The following WDR47 variants were observed in gnomAD, a reference collection of about 807,000 sequenced individuals.
WDR47 encodes WD repeat-containing protein 47.
Under a neutral mutation model 97.2 loss-of-function variants are expected in WDR47, and 32 were observed. The ratio of observed to expected loss-of-function variants is 0.33; its 90% CI spans 0.25 to 0.44. The LOEUF is 0.44. Ranked by LOEUF, WDR47 falls within the 20% of genes least tolerant of loss-of-function variation. The probability of loss-of-function intolerance (pLI) is 1.00; values close to 1 mark genes in which losing one functional copy is unlikely to be tolerated. For synonymous variants in WDR47, 375 were observed against 373.5 expected (o/e 1.00, Z -0.05); for missense variants, 782 against 1,102.3 (o/e 0.71, Z 4.11).
In WDR47 at chr1:109,010,989, C is replaced by T. The variant is rs775582082; in HGVS notation, c.1057G>A (p.Val353Ile). Residue 353 changes from valine (V) to isoleucine (I), a missense_variant, in exon 5 of 15, where the codon GTA becomes ATA. This residue lies in a region of WDR47 where 428 missense variants were observed against 584.3 expected (regional missense o/e 0.73). Coordinates refer to ENST00000369962, the MANE Select transcript of WDR47 (RefSeq NM_001142551.2). ...ATGAGACTTCTACTGAGGTTTTGTA[C>T]CCCTGGATAATGGAAGTTAGCAAAG... Reference protein sequence around the residue: ...HSFANFHYPGVQNLSRSLMLE... With the variant: ...HSFANFHYPGIQNLSRSLMLE... The T allele has an allele frequency of 1.1e-5, 17 of 1,614,064 alleles. No homozygotes were observed. In the South Asian group the frequency reaches 1.3e-4, roughly 13 times the overall value.
intron 5 of WDR47, among the ~76,000 whole-genome samples, chr1:109,009,593 T>G (rs1488121948): frequency 6.6e-6 from 1 of 152,222 alleles, no homozygotes; most frequent in Non-Finnish European, 1.5e-5. Flanking sequence ...ATATTTATGA[T>G]TAATCATTGA....
At chr1:109,037,364 C>A (rs1022330616) in intron 1 of WDR47, among the ~76,000 whole-genome samples, 2 of 139,482 alleles carry the variant, frequency 1.4e-5, no homozygotes, top group African/African-American at 5.4e-5. Flanking sequence ...CAAGACTGGG[C>A]GTGGTGGCTC....
At chr1:108,984,707 G>A (rs1428341568) in intron 10 of WDR47, among the ~76,000 whole-genome samples, 4 of 152,026 alleles carry the variant, frequency 2.6e-5, no homozygotes, top group East Asian at 1.9e-4. Flanking sequence ...GTGAAACCCC[G>A]TCGCTACTAA....
At chr1:109,040,588 A>G (rs554722405) in intron 1 of WDR47, among the ~76,000 whole-genome samples, 1 of 152,240 alleles carries the variant, frequency 6.6e-6, no homozygotes, top group Admixed American at 6.5e-5. Context: ...TTTTTTACCT[A>G]ACAATATACT....
intron 9 of WDR47, 159 bp from the exon 10 acceptor site, chr1:108,986,839 C>G: frequency 1.6e-6 from 1 of 626,262 alleles, no homozygotes; most frequent in Non-Finnish European, 2.6e-6. Context: ...GTTTTTCTTA[C>G]TTTATTAAAT....
At chr1:108,991,035 G>A (rs572377062) in intron 9 of WDR47, among the ~76,000 whole-genome samples, 14 of 148,846 alleles carry the variant, frequency 9.4e-5, no homozygotes, top group Admixed American at 3.4e-4. Context: ...GTCTCACTCT[G>A]TTGCCCAGGT....
intron 1 of WDR47, among the ~76,000 whole-genome samples, chr1:109,035,642 C>T (rs765096704): frequency 1.6e-4 from 24 of 151,536 alleles, no homozygotes; most frequent in Admixed American, 9.2e-4. Flanking sequence ...GGATTACAGG[C>T]GCCCACCACC....
chr1:108,971,179 G>C lies in WDR47; in HGVS notation c.*251C>G. ...CTTGGAGTGCACACCAACAACTGAA[G>C]AGCTCTTCTGCAGACTTTGGCAACG... On this transcript the variant is annotated 3_prime_UTR_variant, in exon 15 of 15. Transcript: ENST00000369962. The C allele has an allele frequency of 2.4e-6, 1 of 421,872 alleles. No individual in the cohort carries two copies. Among genetic ancestry groups the C allele is most frequent in the Non-Finnish European group, 4.2e-6 (1 of 235,438 alleles). 26.1% of individuals were successfully genotyped at this position (421,872 alleles called of 1,614,324 possible). A position where few individuals can be genotyped will look rare whatever the true frequency, so the allele number is the denominator to read the frequency against.
intron 9 of WDR47, among the ~76,000 whole-genome samples, chr1:108,988,995 T>C (rs1316620890): frequency 1.3e-5 from 2 of 152,130 alleles, no homozygotes; most frequent in African/African-American, 4.8e-5. Context: ...TGAGCTCAAG[T>C]GATCTGCCAC....
chr1:108,981,596 G>T, intron 13 of WDR47, 137 bp downstream of exon 13: 3 of 843,192 alleles, frequency 3.6e-6, no homozygotes, highest in African/African-American at 1.8e-5. Context: ...TATTGTGAAA[G>T]AACTGAAAGT....
At chr1:109,005,788 G>A (rs527386565) in intron 5 of WDR47, among the ~76,000 whole-genome samples, 2 of 152,106 alleles carry the variant, frequency 1.3e-5, no homozygotes, top group South Asian at 4.1e-4. Context: ...AGAATCGCTT[G>A]AACCAGGGAG....
In WDR47 at chr1:108,974,941, A is replaced by G. The variant is rs556306658; in HGVS notation, c.2399-187T>C. On this transcript the variant is annotated intron_variant, in intron 13 of 14. Coordinates refer to ENST00000369962, the MANE Select transcript of WDR47 (RefSeq NM_001142551.2). ...TGTGTCCTTTTAAGGCCCAAGGCCT[A>G]AACAAAATTTTGTAAGAAATGAGAA... 2.6e-5 allele frequency among the ~76,000 whole-genome samples: 4 copies of G among 152,344 alleles called. No homozygotes were observed. In the South Asian group the frequency reaches 8.3e-4, roughly 32 times the overall value.
At chr1:109,005,567 G>A in intron 5 of WDR47, among the ~76,000 whole-genome samples, 1 of 152,124 alleles carries the variant, frequency 6.6e-6, no homozygotes, top group Non-Finnish European at 1.5e-5. Flanking sequence ...TGAGAGCAGG[G>A]ACTACAGTTT....
intron 8 of WDR47, among the ~76,000 whole-genome samples, chr1:108,993,009 G>A (rs1412871536): frequency 6.6e-6 from 1 of 151,996 alleles, no homozygotes; most frequent in Non-Finnish European, 1.5e-5. Flanking sequence ...TCACTCTAAG[G>A]TCTATCTTCT....
chr1:108,993,071 C>T (rs940457486), intron 8 of WDR47, among the ~76,000 whole-genome samples: 2 of 151,982 alleles, frequency 1.3e-5, no homozygotes, highest in Non-Finnish European at 2.9e-5. Flanking sequence ...CTGAAAAATT[C>T]CAGAGTAGAA....
At position 108,991,267 on chromosome 1, in the gene WDR47, G is replaced by A. The variant is rs368715513; in HGVS notation, c.1754C>T (p.Ser585Leu). Reference protein sequence around the residue: ...LGDSPGSLSRSKGEEDDKSKK... With the variant: ...LGDSPGSLSRLKGEEDDKSKK... ...CCAAAGTATTACCTCTTCCCCTTTC[G>A]ACCTTGAAAGACTCCCTGGAGAATC... Residue 585 changes from serine to leucine, a missense_variant, in exon 9 of 15, where the codon TCG becomes TTG. Ser to Leu is a moderately radical substitution (Grantham distance 145). Around this residue, in one of 3 missense-constraint regions of WDR47, gnomAD observed 126 missense variants for 121.3 expected, o/e 1.04. Transcript: ENST00000369962. The A allele has an allele frequency of 7.8e-5, 126 of 1,612,348 alleles. No homozygotes were observed. The highest frequency in any genetic ancestry group is 8.8e-5 in the South Asian group (8 of 90,896).
intron 13 of WDR47, among the ~76,000 whole-genome samples, chr1:108,976,855 A>C (rs143961018): frequency 1.2e-3 from 183 of 152,312 alleles, no homozygotes; most frequent in Middle Eastern, 3.4e-3. Flanking sequence ...AGGAATTGAA[A>C]AGAAAAAAGT....
intron 5 of WDR47, among the ~76,000 whole-genome samples, chr1:109,006,590 T>C (rs992817815): frequency 2.6e-5 from 4 of 152,202 alleles, no homozygotes; most frequent in African/African-American, 9.6e-5. Flanking sequence ...CATTATCTCA[T>C]TTAACTTGCA....
chr1:109,029,337 A>C (rs1013101847), intron 1 of WDR47, among the ~76,000 whole-genome samples: 24 of 152,096 alleles, frequency 1.6e-4, no homozygotes, highest in African/African-American at 5.8e-4. Context: ...AGCCTGGCCG[A>C]GATGCTGAAA....
Sources: gnomAD v4.1 joint callset for allele counts (sites outside exome capture counted in the v4.1 genomes callset) on GRCh38, gnomAD v4.1.1 for gene constraint, gnomAD v4.1.1 regional missense constraint, MANE v1.5 for transcripts, NCBI Gene and HGNC (gene_info 2026-07-23, HGNC 2026-07-21) for gene names.